The following OLFM3 variants were observed in gnomAD, a reference collection of about 807,000 sequenced individuals.
OLFM3 encodes the protein noelin-3.
Under a neutral mutation model 48.6 loss-of-function variants are expected in OLFM3, and 20 were observed. The observed-to-expected ratio is 0.41, with a 90% CI of 0.29 to 0.60. The LOEUF (loss-of-function observed/expected upper bound fraction) is 0.60, where lower values mean the gene tolerates loss of function less well. OLFM3 is among the 20% of genes least tolerant of loss of function. OLFM3 has a pLI of 0.28. For synonymous variants in OLFM3, 222 were observed against 198.1 expected (o/e 1.12, Z -1.01); for missense variants, 437 against 544.3 (o/e 0.80, Z 1.96).
At chr1:101,988,445 A>G (rs1661310925) in intron 1 of OLFM3, among the ~76,000 whole-genome samples, 1 of 152,112 alleles carries the variant, frequency 6.6e-6, no homozygotes, top group Non-Finnish European at 1.5e-5. Flanking sequence ...ATTTAAGGAA[A>G]GCTGATTTTT....
At chr1:101,910,279 A>C (rs1445015099) in intron 1 of OLFM3, 1 of 208,202 alleles carries the variant, frequency 4.8e-6, no homozygotes, top group Non-Finnish European at 8.4e-6. Flanking sequence ...ATTCTGGCTA[A>C]CACGCTGAAA....
At chr1:101,899,581 T>C (rs1045833165) in intron 1 of OLFM3, among the ~76,000 whole-genome samples, 1 of 152,194 alleles carries the variant, frequency 6.6e-6, no homozygotes, top group Admixed American at 6.5e-5. Context: ...CCATAGCAAT[T>C]AACATGTGTT....
At chr1:101,815,914 A>C (rs986593857) in intron 4 of OLFM3, among the ~76,000 whole-genome samples, 1 of 152,210 alleles carries the variant, frequency 6.6e-6, no homozygotes, top group African/African-American at 2.4e-5. Context: ...CATACACAGA[A>C]AAGAGAAAGG....
intron 1 of OLFM3, among the ~76,000 whole-genome samples, chr1:101,988,544 T>C (rs1457052355): frequency 1.3e-5 from 2 of 152,144 alleles, no homozygotes; most frequent in African/African-American, 4.8e-5. Context: ...CTCAGTATCT[T>C]GTCTGATGGA....
intron 4 of OLFM3, among the ~76,000 whole-genome samples, chr1:101,824,691 G>A (rs1654775259): frequency 6.6e-6 from 1 of 151,566 alleles, no homozygotes; most frequent in Non-Finnish European, 1.5e-5. Context: ...ACAAAAAACA[G>A]TTTCTTTTTC....
chr1:101,876,009 C>A (rs1657285747), intron 1 of OLFM3, among the ~76,000 whole-genome samples: 1 of 152,010 alleles, frequency 6.6e-6, no homozygotes, highest in Non-Finnish European at 1.5e-5. Flanking sequence ...AATTCTCTGG[C>A]AGATTCAGTT....
Position 101,804,543 on chromosome 1 carries a change from T to C in OLFM3, c.1072A>G (p.Thr358Ala). 1.9e-6 allele frequency: 3 copies of C among 1,612,702 alleles called. No individual in the cohort carries two copies. The highest frequency in any genetic ancestry group is 2.5e-6 in the Non-Finnish European group (3 of 1,179,170). ...CTCCAGCTCTTCATCACCTCCAAGGTATCTTGGTTAAGTTGGCTGATGACA... is the reference window on the plus strand; with the variant it reads ...CTCCAGCTCTTCATCACCTCCAAGGCATCTTGGTTAAGTTGGCTGATGACA... ...NIVISQLNQD[T>A]LEVMKSWSTG... Residue 358 changes from threonine (T) to alanine (A), a missense_variant, in exon 6 of 6, where the codon ACC (threonine) becomes GCC (alanine). Thr to Ala is a moderately conservative substitution (Grantham distance 58). This residue lies in a region of OLFM3 where 108 missense variants were observed against 135.8 expected (regional missense o/e 0.80). Coordinates refer to ENST00000370103, the MANE Select transcript of OLFM3 (RefSeq NM_058170.4). This position sits in a 1 kb window ranked among gnomAD's most constrained non-coding sequence, Gnocchi z 4.5.
At position 101,830,701 on chromosome 1, in the gene OLFM3, G is replaced by A. The variant is rs374604003; in HGVS notation, c.343C>T (p.Arg115Ter). 2.5e-6 allele frequency: 4 copies of A among 1,613,956 alleles called. No individual in the cohort carries two copies. Among genetic ancestry groups the A allele is most frequent in the African/African-American group, 1.3e-5 (1 of 74,894 alleles). The change falls in exon 3 of 6, where the codon CGA becomes TGA. Residue 115 changes from arginine to a stop codon, truncating the protein, a stop_gained. Transcript: ENST00000370103. LOFTEE classifies it high-confidence loss of function. ...KAKFRQIEDD[R>*]KTLMTKHFQE... ...AAATGCTTGGTCATAAGTGTCTTTC[G>A]ATCATCTTCAATCTGCCGAAATTTT...
At chr1:101,896,000 ATAAT>A (rs1658187032) in intron 1 of OLFM3, among the ~76,000 whole-genome samples, 1 of 150,130 alleles carries the variant, frequency 6.7e-6, no homozygotes, top group Non-Finnish European at 1.5e-5. Flanking sequence ...AATAATAATA[ATAAT>A]AAAAGTATGC....
chr1:101,980,149 C>A (rs1171035942), intron 1 of OLFM3, among the ~76,000 whole-genome samples: 1 of 152,042 alleles, frequency 6.6e-6, no homozygotes, highest in Non-Finnish European at 1.5e-5. Flanking sequence ...GATTTTTATT[C>A]TCATAGGCAG....
intron 3 of OLFM3, among the ~76,000 whole-genome samples, chr1:101,826,746 A>G (rs1250421520): frequency 6.6e-6 from 1 of 152,232 alleles, no homozygotes; most frequent in Non-Finnish European, 1.5e-5. Context: ...TCATTTGGAA[A>G]TAGACTTATT....
At chr1:101,917,310 A>T (rs1313157596) in intron 1 of OLFM3, among the ~76,000 whole-genome samples, 1 of 152,202 alleles carries the variant, frequency 6.6e-6, no homozygotes, top group Non-Finnish European at 1.5e-5. Context: ...TTGTGTAATA[A>T]GCAAACTGTT....
chr1:101,940,525 ATCTG>A (rs1485801109), intron 1 of OLFM3, among the ~76,000 whole-genome samples: 3 of 150,964 alleles, frequency 2.0e-5, no homozygotes, highest in African/African-American at 7.3e-5. Flanking sequence ...CTAATATATC[ATCTG>A]TCTATCTATC....
At chr1:101,975,175 C>A (rs760865237) in intron 1 of OLFM3, among the ~76,000 whole-genome samples, 1 of 152,146 alleles carries the variant, frequency 6.6e-6, no homozygotes, top group African/African-American at 2.4e-5. Context: ...CCCAGGTAAA[C>A]AATTGCTGTT....
intron 1 of OLFM3, among the ~76,000 whole-genome samples, chr1:101,866,452 T>C (rs1163345239): frequency 6.6e-6 from 1 of 152,088 alleles, no homozygotes; most frequent in Admixed American, 6.6e-5. Context: ...CCACATCTTT[T>C]TTTAGCTTCA....
chr1:101,874,428 T>G (rs1657212451), intron 1 of OLFM3, among the ~76,000 whole-genome samples: 1 of 151,748 alleles, frequency 6.6e-6, no homozygotes. Flanking sequence ...TGAACTGCAG[T>G]CAGCTGTTGC....
chr1:101,892,012 C>T (rs1409158101), intron 1 of OLFM3, among the ~76,000 whole-genome samples: 2 of 151,902 alleles, frequency 1.3e-5, no homozygotes, highest in African/African-American at 2.4e-5. Flanking sequence ...CTGAAGACAA[C>T]ATTTTAAATT....
intron 1 of OLFM3, among the ~76,000 whole-genome samples, chr1:101,958,631 G>T (rs188536839): frequency 3.9e-5 from 6 of 151,908 alleles, no homozygotes; most frequent in Admixed American, 3.9e-4. Context: ...CCAATCAGGC[G>T]ATGAAAAGCG....
At chr1:101,900,990 CCTTT>C (rs1658369669) in intron 1 of OLFM3, among the ~76,000 whole-genome samples, 1 of 151,982 alleles carries the variant, frequency 6.6e-6, no homozygotes, top group Non-Finnish European at 1.5e-5. Context: ...TTCTCTATGA[CCTTT>C]CTATTTATCT....
Sources: allele counts gnomAD v4.1 joint callset (sites outside exome capture counted in the v4.1 genomes callset), GRCh38; gene constraint gnomAD v4.1.1; regional missense constraint gnomAD v4.1.1; non-coding constraint Gnocchi (gnomAD v3.1); transcripts MANE v1.5; gene names NCBI Gene and HGNC (gene_info 2026-07-23, HGNC 2026-07-21).